MASP1: variants seen among roughly 807,000 people sequenced by gnomAD.
MASP1 encodes mannan-binding lectin serine protease 1.
In MASP1, 59 loss-of-function variants were observed where a neutral mutation model predicts 77.1. The ratio of observed to expected loss-of-function variants is 0.77; its 90% CI spans 0.62 to 0.95. The LOEUF is 0.95. Ranked by LOEUF, MASP1 falls within the 40% of genes least tolerant of loss-of-function variation. The probability of loss-of-function intolerance (pLI) is 0.00; values close to 1 mark genes in which losing one functional copy is unlikely to be tolerated. For missense variants in MASP1, 885 were observed against 912.9 expected (o/e 0.97, Z 0.39); for synonymous variants, 362 against 354.5 (o/e 1.02, Z -0.24).
In MASP1 at chr3:187,272,982, A is replaced by C. The variant is rs533327343; in HGVS notation, c.238-10262T>G. 2.6e-5 allele frequency among the ~76,000 whole-genome samples: 4 copies of C among 152,314 alleles called. No homozygotes were observed. The East Asian group carries it at 7.7e-4, about 29-fold the overall frequency. On this transcript the variant is annotated intron_variant, in intron 2 of 10. Transcript: ENST00000296280. ...GTAAATAGGATGGGAGGTGATATAC[A>C]TAAAACACTCAGAAAAGTGCCCGGG...
intron 8 of MASP1, chr3:187,246,684 A>C (rs2108530678): frequency 1.0e-6 from 1 of 989,106 alleles, no homozygotes; most frequent in Non-Finnish European, 1.2e-6. Context: ...TATCTTTTTA[A>C]AATTTTTAAT....
chr3:187,241,508 C>G lies in MASP1; in HGVS notation c.1276G>C (p.Gly426Arg). ...AQGVWMNKVL[G>R]RSLPTCLPEC... The stretch of plus-strand genomic sequence containing the variant: ...GGAAGGCAGGTGGGTAGGCTTCTCC[C>G]CAATACTTTATTCATCCAGACTCCT... Residue 426 changes from glycine (G) to arginine (R), a missense_variant, in exon 10 of 11, where the codon GGG becomes CGG. Coordinates refer to ENST00000296280, the MANE Select transcript of MASP1 (RefSeq NM_139125.4). The G allele has an allele frequency of 6.2e-7, 1 of 1,613,754 alleles. No individual in the cohort carries two copies. The highest frequency in any genetic ancestry group is 1.1e-5 in the South Asian group (1 of 91,050).
At chr3:187,239,520 C>T (rs1346867405) in intron 10 of MASP1, among the ~76,000 whole-genome samples, 2 of 152,206 alleles carry the variant, frequency 1.3e-5, no homozygotes, top group African/African-American at 2.4e-5. Flanking sequence ...GGCTTCTTCC[C>T]CTTCCAGAGG....
At chr3:187,288,711 A>G (rs1718057441) in intron 1 of MASP1, among the ~76,000 whole-genome samples, 1 of 152,196 alleles carries the variant, frequency 6.6e-6, no homozygotes, top group African/African-American at 2.4e-5. Flanking sequence ...TGCAAGGCCG[A>G]AAGGTCAACT....
At position 187,226,634 on chromosome 3, in the gene MASP1, G is replaced by C. The variant is rs1712452480; in HGVS notation, c.1442-114C>G. 5.5e-6 allele frequency: 4 copies of C among 730,184 alleles called. No individual in the cohort carries two copies. The Admixed American group carries it at 6.0e-5, about 11-fold the overall frequency. The allele number at this position is 730,184 out of a possible 1,614,324, so 45.2% of individuals were successfully genotyped here. On this transcript the variant is annotated intron_variant, in intron 11 of 15. Transcript: ENST00000337774. Reference sequence around the variant, plus strand: ...AGGACCCCTCAAGACCTTGAAAATGGCCATGCTTCTCTCCATTGTATTTTA... The same window carrying C: ...AGGACCCCTCAAGACCTTGAAAATGCCCATGCTTCTCTCCATTGTATTTTA...
intron 4 of MASP1, among the ~76,000 whole-genome samples, chr3:187,258,737 C>T (rs771430818): frequency 6.6e-6 from 1 of 152,208 alleles, no homozygotes; most frequent in Non-Finnish European, 1.5e-5. Flanking sequence ...TCACGGGTGG[C>T]CATCTGTTCA....
At chr3:187,261,409 A>G (rs959166353) in intron 3 of MASP1, among the ~76,000 whole-genome samples, 1 of 152,204 alleles carries the variant, frequency 6.6e-6, no homozygotes, top group South Asian at 2.1e-4. Context: ...GCCCTGTCCT[A>G]GGCATTTGAA....
At chr3:187,270,272 T>C (rs1043063649) in intron 2 of MASP1, among the ~76,000 whole-genome samples, 6 of 152,224 alleles carry the variant, frequency 3.9e-5, no homozygotes, top group Non-Finnish European at 8.8e-5. Context: ...AACTCATCTG[T>C]GCACTTCCTT....
downstream of MASP1, chr3:187,234,010 C>CAA: frequency 9.1e-7 from 1 of 1,094,424 alleles, no homozygotes; most frequent in Non-Finnish European, 1.2e-6. Context: ...ATGAGGAGAC[C>CAA]AATTTCTTTT....
intron 14 of MASP1, among the ~76,000 whole-genome samples, chr3:187,222,398 G>T (rs143853912): frequency 1.3e-5 from 2 of 152,144 alleles, no homozygotes; most frequent in East Asian, 3.8e-4. Flanking sequence ...ATAGACCCCC[G>T]GGAGTTAGTG....
At chr3:187,237,913 A>C (rs1713310314) in intron 10 of MASP1, among the ~76,000 whole-genome samples, 1 of 152,204 alleles carries the variant, frequency 6.6e-6, no homozygotes, top group Non-Finnish European at 1.5e-5. Context: ...AATGCTTTTC[A>C]GATGCTCTTC....
At chr3:187,251,923 G>A (rs1051963113) in intron 6 of MASP1, among the ~76,000 whole-genome samples, 171 bp from the exon 7 acceptor site, 6 of 152,200 alleles carry the variant, frequency 3.9e-5, no homozygotes, top group Non-Finnish European at 1.5e-5. Flanking sequence ...CGTGAATAGG[G>A]CAGTTTCCAA....
At chr3:187,285,754 C>T in intron 2 of MASP1, 71 bp downstream of exon 2, 1 of 1,230,890 alleles carries the variant, frequency 8.1e-7, no homozygotes, top group Non-Finnish European at 1.2e-6. Flanking sequence ...CTGGAAGGGT[C>T]TAATTTCATA....
intron 2 of MASP1, among the ~76,000 whole-genome samples, chr3:187,263,953 A>G (rs1485963078): frequency 1.3e-5 from 2 of 152,098 alleles, no homozygotes; most frequent in Non-Finnish European, 2.9e-5. Context: ...TGTGTTTGCA[A>G]CCTCTGGACC....
chr3:187,231,432 C>T (rs1246938955), downstream of MASP1, among the ~76,000 whole-genome samples: 1 of 152,228 alleles, frequency 6.6e-6, no homozygotes, highest in Non-Finnish European at 1.5e-5. Flanking sequence ...CACTCCTTTC[C>T]CACATTCTTC....
chr3:187,225,954 A>G (rs1273296053), intron 12 of MASP1, among the ~76,000 whole-genome samples: 2 of 152,192 alleles, frequency 1.3e-5, no homozygotes, highest in African/African-American at 2.4e-5. Context: ...TTCCTTTATT[A>G]GACTGTAAGC....
In MASP1 at chr3:187,235,868, A is replaced by T. The variant is rs1200789113; in HGVS notation, c.2003T>A (p.Phe668Tyr). The T allele has an allele frequency of 6.2e-7, 1 of 1,614,202 alleles. No homozygotes were observed. The highest frequency in any genetic ancestry group is 1.1e-5 in the South Asian group (1 of 91,076). The change falls in exon 11 of 11, where the codon TTT becomes TAT. Residue 668 changes from phenylalanine to tyrosine, a missense_variant. Physicochemically the swap from Phe to Tyr is conservative, Grantham distance 22. Coordinates refer to ENST00000296280, the MANE Select transcript of MASP1 (RefSeq NM_139125.4). ...DTCLGDSGGAFVIFDDLSQRW... is the reference protein window; with the variant it reads ...DTCLGDSGGAYVIFDDLSQRW... ...CTGGCTCAAGTCATCAAAGATGACA[A>T]AGGCCCCACCGCTATCTCCAAGGCA...
downstream of MASP1, among the ~76,000 whole-genome samples, chr3:187,230,732 A>G (rs1490132101): frequency 6.6e-6 from 1 of 152,232 alleles, no homozygotes; most frequent in East Asian, 1.9e-4. Flanking sequence ...CATCTGGTCT[A>G]TACTTTTCAT....
intron 3 of MASP1, 123 bp downstream of exon 3, chr3:187,262,420 C>A (rs950070680): frequency 1.1e-6 from 1 of 910,098 alleles, no homozygotes; most frequent in Middle Eastern, 2.8e-4. Context: ...TGCATTAAGA[C>A]ATTAATGGTA....
Sources: allele counts gnomAD v4.1 joint callset (sites outside exome capture counted in the v4.1 genomes callset), GRCh38; gene constraint gnomAD v4.1.1; transcripts MANE v1.5; gene names NCBI Gene and HGNC (gene_info 2026-07-23, HGNC 2026-07-21).